The following DNAJC1 variants were observed in gnomAD, a reference collection of about 807,000 sequenced individuals.
DNAJC1 encodes the protein DnaJ heat shock protein family (Hsp40) member C1, also known as dnaJ homolog subfamily C member 1.
A neutral mutation model predicts 76.6 loss-of-function variants in DNAJC1; 58 were observed. That is an observed-to-expected ratio of 0.76 (90% CI 0.61 to 0.94). DNAJC1 has a LOEUF of 0.94. Among genes scored for constraint, DNAJC1 ranks in the 40% least tolerant of loss-of-function variants. The probability of loss-of-function intolerance (pLI) is 0.00; values close to 1 mark genes in which losing one functional copy is unlikely to be tolerated. For synonymous variants in DNAJC1, 258 were observed against 267.9 expected, an observed-to-expected ratio of 0.96 and a Z score of 0.36; for missense variants, 689 against 677.3, an observed-to-expected ratio of 1.02 and a Z score of -0.19.
intron 9 of DNAJC1, among the ~76,000 whole-genome samples, chr10:21,770,610 G>C (rs1834362552): frequency 6.6e-6 from 1 of 152,016 alleles, no homozygotes; most frequent in Non-Finnish European, 1.5e-5. Flanking sequence ...TGTTGGTCAG[G>C]CTGGTCTCAA....
intron 8 of DNAJC1, among the ~76,000 whole-genome samples, chr10:21,856,817 A>G (rs1236777292): frequency 6.6e-6 from 1 of 151,574 alleles, no homozygotes; most frequent in Admixed American, 6.6e-5. Context: ...GCTCACTGCC[A>G]CCTCTGCCTC....
chr10:21,929,823 A>G lies in DNAJC1; in HGVS notation c.223-682T>C, dbSNP rs1244802511. 3.3e-5 allele frequency among the ~76,000 whole-genome samples: 5 copies of G among 152,240 alleles called. No individual in the cohort carries two copies. The East Asian group carries it at 9.6e-4, about 29-fold the overall frequency. Reference sequence around the variant, plus strand: ...TATGTATTACTTGTATAGTTTAAATATATTTAAAAGGTTACCGTGGTTCAG... The same window carrying G: ...TATGTATTACTTGTATAGTTTAAATGTATTTAAAAGGTTACCGTGGTTCAG... On this transcript the variant is annotated intron_variant, in intron 1 of 11. Coordinates refer to ENST00000376980, the MANE Select transcript of DNAJC1 (RefSeq NM_022365.4).
At chr10:21,968,127 C>T (rs1837920548) in intron 1 of DNAJC1, among the ~76,000 whole-genome samples, 1 of 152,140 alleles carries the variant, frequency 6.6e-6, no homozygotes, top group African/African-American at 2.4e-5. Context: ...CAGCCATTTG[C>T]AATGGATTAT....
At chr10:21,853,570 A>G (rs1338062045) in intron 8 of DNAJC1, among the ~76,000 whole-genome samples, 2 of 151,912 alleles carry the variant, frequency 1.3e-5, no homozygotes, top group East Asian at 3.9e-4. Flanking sequence ...TTGTACCAGA[A>G]TATCTCTACT....
intron 6 of DNAJC1, among the ~76,000 whole-genome samples, chr10:21,915,441 G>A (rs768812415): frequency 2.6e-4 from 40 of 152,200 alleles, no homozygotes; most frequent in Non-Finnish European, 4.9e-4. Context: ...CCAGTGTAAA[G>A]GTCACTTGCT....
At chr10:21,922,874 T>C (rs956392842) in intron 3 of DNAJC1, among the ~76,000 whole-genome samples, 1 of 151,964 alleles carries the variant, frequency 6.6e-6, no homozygotes, top group Non-Finnish European at 1.5e-5. Context: ...AGTATAGTTA[T>C]TGATAAAGAA....
intron 8 of DNAJC1, among the ~76,000 whole-genome samples, chr10:21,809,033 A>C (rs955329066): frequency 1.3e-5 from 2 of 152,212 alleles, no homozygotes; most frequent in Admixed American, 1.3e-4. Context: ...ATGAAAACTT[A>C]AATTATATTC....
rs370406148 is a variant in DNAJC1 at position 21,918,901 on chromosome 10, T to C, written c.636-29A>G. On this transcript the variant is annotated intron_variant, in intron 5 of 11. Transcript: ENST00000376980. Reference sequence around the variant, plus strand: ...AAGGGAGGGAGAAAAAAGAACACCATACAACATATGAGGAATATACAGAGA... The same window carrying C: ...AAGGGAGGGAGAAAAAAGAACACCACACAACATATGAGGAATATACAGAGA... The C allele has an allele frequency of 2.8e-5, 41 of 1,485,296 alleles. No homozygotes were observed. The African/African-American group carries it at 4.7e-4, about 17-fold the overall frequency. The allele number at this position is 1,485,296 out of a possible 1,614,324, so 92.0% of individuals were successfully genotyped here. A position where few individuals can be genotyped will look rare whatever the true frequency, so the allele number is the denominator to read the frequency against.
intron 1 of DNAJC1, among the ~76,000 whole-genome samples, chr10:21,942,578 G>A (rs1219557278): frequency 3.9e-5 from 6 of 151,916 alleles, no homozygotes; most frequent in East Asian, 1.9e-4. Flanking sequence ...AGGCCAAGGC[G>A]GGCAGATCAC....
intron 1 of DNAJC1, among the ~76,000 whole-genome samples, chr10:21,995,622 G>A (rs1360894143): frequency 5.9e-5 from 9 of 152,186 alleles, no homozygotes; most frequent in Admixed American, 1.3e-4. Context: ...GCTGCACAGA[G>A]CTTAATGCCT....
At chr10:21,980,473 G>A (rs1838137686) in intron 1 of DNAJC1, among the ~76,000 whole-genome samples, 1 of 152,042 alleles carries the variant, frequency 6.6e-6, no homozygotes, top group African/African-American at 2.4e-5. Flanking sequence ...CAAACTGTGG[G>A]ACACTTTAAA....
intron 1 of DNAJC1, among the ~76,000 whole-genome samples, chr10:21,991,436 T>G (rs1468850898): frequency 6.6e-6 from 1 of 152,226 alleles, no homozygotes; most frequent in Admixed American, 6.5e-5. Flanking sequence ...GCATGAACTT[T>G]ATACCAATAG....
rs1353942398 is a variant in DNAJC1 at position 21,978,359 on chromosome 10, T to A, written c.222+24854A>T. 2.6e-5 allele frequency among the ~76,000 whole-genome samples: 4 copies of A among 152,248 alleles called. No homozygotes were observed. In the East Asian group the frequency reaches 7.7e-4, roughly 29 times the overall value. On this transcript the variant is annotated intron_variant, in intron 1 of 11. Transcript: ENST00000376980. ...GTAGAACTAATACACTGATAAAGTATAGAATTTGAAAGCCTCTCCTTTCAG... is the reference window on the plus strand; with the variant it reads ...GTAGAACTAATACACTGATAAAGTAAAGAATTTGAAAGCCTCTCCTTTCAG...
intron 6 of DNAJC1, among the ~76,000 whole-genome samples, chr10:21,911,101 AAGGCGGGC>A (rs1015899046): frequency 6.7e-6 from 1 of 148,544 alleles, no homozygotes; most frequent in Non-Finnish European, 1.5e-5. Flanking sequence ...GGAAGGCGGG[AAGGCGGGC>A]AGGCGGGGCA....
chr10:21,848,518 A>T (rs1251585668), intron 8 of DNAJC1, among the ~76,000 whole-genome samples: 2 of 152,166 alleles, frequency 1.3e-5, no homozygotes, highest in Non-Finnish European at 2.9e-5. Context: ...ATCTTTGCCC[A>T]GACCAATGTC....
chr10:21,881,844 TAAAAAAAAAAAAA>T (rs1002377641), intron 8 of DNAJC1, among the ~76,000 whole-genome samples: 8 of 55,414 alleles, frequency 1.4e-4, no homozygotes, highest in South Asian at 6.2e-4. Flanking sequence ...CCTCAATTTG[TAAAAAAAAAAAAA>T]AAAAAAAAAA....
At chr10:21,941,333 C>T (rs940515784) in intron 1 of DNAJC1, among the ~76,000 whole-genome samples, 5 of 149,136 alleles carry the variant, frequency 3.4e-5, no homozygotes, top group African/African-American at 1.2e-4. Context: ...ACTTGTATGG[C>T]CCCTGATTCA....
chr10:21,925,924 A>G (rs1451081330), intron 3 of DNAJC1, among the ~76,000 whole-genome samples: 1 of 152,230 alleles, frequency 6.6e-6, no homozygotes, highest in East Asian at 1.9e-4. Flanking sequence ...GGTGACTTTT[A>G]TTGTATGCAA....
chr10:21,937,627 C>T (rs1837331034), intron 1 of DNAJC1, among the ~76,000 whole-genome samples: 1 of 152,086 alleles, frequency 6.6e-6, no homozygotes, highest in African/African-American at 2.4e-5. Context: ...ATCTAACAGA[C>T]ATCTATAGAA....
Sources: allele counts gnomAD v4.1 joint callset (sites outside exome capture counted in the v4.1 genomes callset), GRCh38; gene constraint gnomAD v4.1.1; transcripts MANE v1.5; gene names NCBI Gene and HGNC (gene_info 2026-07-23, HGNC 2026-07-21).